The following SAMD5 variants were observed in gnomAD, a reference collection of about 807,000 sequenced individuals.
SAMD5 encodes the protein sterile alpha motif domain-containing protein 5.
Under a neutral mutation model 11.3 loss-of-function variants are expected in SAMD5, and 13 were observed. The ratio of observed to expected loss-of-function variants is 1.15; its 90% CI spans 0.75 to 1.83. The LOEUF (loss-of-function observed/expected upper bound fraction) is 1.83. Ranked by LOEUF, SAMD5 falls within the 40% of genes most tolerant of loss-of-function variation. SAMD5 has a pLI of 0.00. For synonymous variants in SAMD5, 129 were observed against 111.3 expected (o/e 1.16, Z -1.00); for missense variants, 255 against 239.1 (o/e 1.07, Z -0.44).
chr6:147,878,631 C>A, the SAMD5 span, among the ~76,000 whole-genome samples: 3 of 143,628 alleles, frequency 2.1e-5, no homozygotes, highest in African/African-American at 5.2e-5. Context: ...GTATATATAT[C>A]TATATATTTA....
At chr6:147,696,579 T>C (rs1176662040) in intron 1 of SAMD5, among the ~76,000 whole-genome samples, 1 of 152,138 alleles carries the variant, frequency 6.6e-6, no homozygotes, top group Non-Finnish European at 1.5e-5. Context: ...CTTCTTCCCT[T>C]CCTGTGGATT....
At chr6:147,932,588 TTGTGTGTGTG>T in the SAMD5 span, among the ~76,000 whole-genome samples, 9,096 of 131,104 alleles carry the variant, frequency 0.069, 344 homozygotes, top group Middle Eastern at 0.12. Flanking sequence ...TCTTACAGAA[TTGTGTGTGTG>T]TGTGTGTGTG....
chr6:147,517,783 T>A (rs990668320), intron 1 of SAMD5, among the ~76,000 whole-genome samples: 3 of 152,138 alleles, frequency 2.0e-5, no homozygotes, highest in Non-Finnish European at 2.9e-5. Flanking sequence ...ACACCTAAAG[T>A]AATCTGGAGT....
the SAMD5 span, among the ~76,000 whole-genome samples, chr6:147,953,116 T>C: frequency 2.0e-5 from 3 of 152,174 alleles, no homozygotes; most frequent in Non-Finnish European, 4.4e-5. Flanking sequence ...AGCGTCAAGA[T>C]CTCCAAATTC....
At chr6:147,727,884 A>G (rs1223548479) in intron 1 of SAMD5, among the ~76,000 whole-genome samples, 1 of 152,208 alleles carries the variant, frequency 6.6e-6, no homozygotes, top group Non-Finnish European at 1.5e-5. Context: ...TTCAACATAT[A>G]ATAGGGAATC....
At chr6:147,943,894 T>C in the SAMD5 span, among the ~76,000 whole-genome samples, 1 of 152,082 alleles carries the variant, frequency 6.6e-6, no homozygotes, top group African/African-American at 2.4e-5. Context: ...TGCACATAAT[T>C]CTCCTGGCCC....
At chr6:147,857,630 G>T in the SAMD5 span, among the ~76,000 whole-genome samples, 9 of 149,358 alleles carry the variant, frequency 6.0e-5, no homozygotes, top group Non-Finnish European at 1.0e-4. Flanking sequence ...GGCATAAATT[G>T]TATCATGTAT....
chr6:147,508,844 G>A lies in SAMD5; in HGVS notation c.-85G>A, dbSNP rs1181220431. On this transcript the variant is annotated 5_prime_UTR_variant, in exon 1 of 2. Coordinates refer to ENST00000367474, the MANE Select transcript of SAMD5 (RefSeq NM_001030060.3). ...GCGATACCCTTTTCCCCTTGGAGGA[G>A]AGGATTAAAAGTTCCAAGAACTGGT... 6.6e-7 allele frequency: 1 copy of A among 1,514,446 alleles called. No homozygotes were observed. Among genetic ancestry groups the A allele is most frequent in the Non-Finnish European group, 8.8e-7 (1 of 1,136,370 alleles). The allele number at this position is 1,514,446 out of a possible 1,614,324, so 93.8% of individuals were successfully genotyped here.
chr6:147,666,197 G>A (rs780566161), intron 1 of SAMD5, among the ~76,000 whole-genome samples: 2 of 152,168 alleles, frequency 1.3e-5, no homozygotes, highest in Non-Finnish European at 2.9e-5. Context: ...TCAGTCTCCC[G>A]AAGTGCTCGG....
chr6:147,893,102 T>C, the SAMD5 span, among the ~76,000 whole-genome samples: 1 of 151,268 alleles, frequency 6.6e-6, no homozygotes, highest in Non-Finnish European at 1.5e-5. Flanking sequence ...TAGTCCCAGC[T>C]GAGACAGGAG....
chr6:147,582,262 G>T (rs1789309191), intron 1 of SAMD5, among the ~76,000 whole-genome samples: 1 of 151,892 alleles, frequency 6.6e-6, no homozygotes. Flanking sequence ...GGCTACCTGG[G>T]AGGCTGAGGC....
At chr6:147,682,896 C>A (rs188630716) in intron 1 of SAMD5, among the ~76,000 whole-genome samples, 21 of 152,254 alleles carry the variant, frequency 1.4e-4, no homozygotes, top group African/African-American at 5.1e-4. Flanking sequence ...ACTTTACATA[C>A]TTCTGTTCTA....
chr6:147,822,606 G>C, the SAMD5 span, among the ~76,000 whole-genome samples: 1 of 151,984 alleles, frequency 6.6e-6, no homozygotes, highest in Non-Finnish European at 1.5e-5. Context: ...AAAAACTTTG[G>C]GTCATTTTAT....
chr6:147,932,009 A>G, the SAMD5 span, among the ~76,000 whole-genome samples: 1 of 152,164 alleles, frequency 6.6e-6, no homozygotes, highest in Non-Finnish European at 1.5e-5. Context: ...TTTCATTTCT[A>G]TTTCATATAA....
chr6:147,733,469 T>G (rs1471346168), intron 1 of SAMD5, among the ~76,000 whole-genome samples: 1 of 151,008 alleles, frequency 6.6e-6, no homozygotes, highest in Non-Finnish European at 1.5e-5. Context: ...TTGAAACAAC[T>G]GGACTGAGAC....
the SAMD5 span, among the ~76,000 whole-genome samples, chr6:147,766,892 G>A: frequency 6.6e-6 from 1 of 152,158 alleles, no homozygotes; most frequent in Admixed American, 6.5e-5. Flanking sequence ...AGTTAATTGA[G>A]TCATTTGACA....
At chr6:147,571,745 G>A (rs1789141380), downstream of SAMD5, among the ~76,000 whole-genome samples, 1 of 151,938 alleles carries the variant, frequency 6.6e-6, no homozygotes, top group Non-Finnish European at 1.5e-5. Flanking sequence ...CTACATAATA[G>A]CATTTACAAA....
intron 1 of SAMD5, among the ~76,000 whole-genome samples, chr6:147,586,131 T>C (rs1789370158): frequency 6.6e-6 from 1 of 152,118 alleles, no homozygotes; most frequent in African/African-American, 2.4e-5. Flanking sequence ...AATCATCACT[T>C]TGGAAAGGGC....
the SAMD5 span, among the ~76,000 whole-genome samples, chr6:147,826,823 C>T: frequency 6.6e-6 from 1 of 152,154 alleles, no homozygotes; most frequent in Non-Finnish European, 1.5e-5. Context: ...TATGTATCCT[C>T]ATCCATCAGG....
Sources: gnomAD v4.1 joint callset for allele counts (sites outside exome capture counted in the v4.1 genomes callset) on GRCh38, gnomAD v4.1.1 for gene constraint, MANE v1.5 for transcripts, NCBI Gene and HGNC (gene_info 2026-07-23, HGNC 2026-07-21) for gene names.